The following DLG5 variants were observed in gnomAD, a reference collection of about 807,000 sequenced individuals.
DLG5 encodes the protein discs large MAGUK scaffold protein 5, also known as disks large homolog 5.
Under a neutral mutation model 189.8 loss-of-function variants are expected in DLG5, and 48 were observed. The ratio of observed to expected loss-of-function variants is 0.25; its 90% CI spans 0.20 to 0.32. The LOEUF (loss-of-function observed/expected upper bound fraction) is 0.32. Ranked by LOEUF, DLG5 falls within the 10% of genes least tolerant of loss-of-function variation. DLG5 has a pLI of 1.00. For missense variants in DLG5, 2,160 were observed against 2,544.7 expected (o/e 0.85, Z 3.25); for synonymous variants, 1,016 against 1,054.1 (o/e 0.96, Z 0.70).
intron 27 of DLG5, among the ~76,000 whole-genome samples, chr10:77,799,543 A>T (rs572842366): frequency 6.6e-6 from 1 of 152,198 alleles, no homozygotes; most frequent in Non-Finnish European, 1.5e-5. Context: ...TCGGATTTCC[A>T]ACCTCAAGAA....
the DLG5 span, among the ~76,000 whole-genome samples, chr10:77,934,312 A>G: frequency 2.0e-5 from 3 of 146,826 alleles, no homozygotes; most frequent in African/African-American, 5.0e-5. Flanking sequence ...CAGAGGTTGC[A>G]GTGAGCCAAG....
At chr10:77,857,182 C>A (rs1342705114) in intron 2 of DLG5, among the ~76,000 whole-genome samples, 2 of 152,214 alleles carry the variant, frequency 1.3e-5, no homozygotes, top group East Asian at 3.9e-4. Flanking sequence ...TTTCACACCT[C>A]CAGGATGCGA....
At chr10:77,901,015 T>C (rs1167643124) in intron 1 of DLG5, among the ~76,000 whole-genome samples, 5 of 148,614 alleles carry the variant, frequency 3.4e-5, no homozygotes, top group African/African-American at 1.3e-4. Context: ...CTTGGGAGGC[T>C]GAGGCAGGAG....
rs746044518 is a variant in DLG5 at position 77,853,480 on chromosome 10, C to A, written c.738G>T (p.Met246Ile). Residue 246 changes from methionine to isoleucine, a missense_variant, in exon 5 of 32, where the codon ATG becomes ATT. Physicochemically the swap from Met to Ile is conservative, Grantham distance 10 (BLOSUM62 1). This residue lies in a region of DLG5 where 664 missense variants were observed against 838.5 expected (regional missense o/e 0.79). Coordinates refer to ENST00000372391, the MANE Select transcript of DLG5 (RefSeq NM_004747.4). The stretch of plus-strand genomic sequence containing the variant: ...GCAGCTGCCCATTCTCCCGCCTCAG[C>A]ATGTCCACGTCATCCTTCAGCCGAG... ...DQTRLKDDVD[M>I]LRRENGQLLR... 6.2e-7 allele frequency: 1 copy of A among 1,611,964 alleles called. No homozygotes were observed. Among genetic ancestry groups the A allele is most frequent in the South Asian group, 1.1e-5 (1 of 90,686 alleles).
At chr10:77,818,468 C>A (rs1270911) in intron 17 of DLG5, among the ~76,000 whole-genome samples, 1 of 152,218 alleles carries the variant, frequency 6.6e-6, no homozygotes, top group Admixed American at 6.5e-5. Context: ...TCTTCATCAC[C>A]GCTGCAGGTC....
intron 1 of DLG5, 130 bp from the exon 2 acceptor site, chr10:77,869,327 G>C (rs1248656): frequency 3.6e-6 from 3 of 832,794 alleles, no homozygotes. Context: ...CCACATCCAC[G>C]GGCCAAGCAG....
At chr10:77,800,487 G>A (rs1471898641) in intron 27 of DLG5, among the ~76,000 whole-genome samples, 1 of 151,598 alleles carries the variant, frequency 6.6e-6, no homozygotes, top group African/African-American at 2.4e-5. Flanking sequence ...GAGAACCCAG[G>A]CACGGGGCCG....
At chr10:77,860,939 T>A (rs1019561516) in intron 2 of DLG5, among the ~76,000 whole-genome samples, 2 of 152,238 alleles carry the variant, frequency 1.3e-5, no homozygotes, top group African/African-American at 4.8e-5. Context: ...ACTTATTTTT[T>A]AAAAAATCAA....
chr10:77,927,770 T>C (rs1329343859), upstream of DLG5: 1 of 152,228 alleles, frequency 6.6e-6, no homozygotes, highest in Non-Finnish European at 1.5e-5. Flanking sequence ...CCCAAGAATG[T>C]CTTCTCTTCC....
At chr10:77,804,817 C>T (rs988158317) in intron 27 of DLG5, among the ~76,000 whole-genome samples, 10 of 152,180 alleles carry the variant, frequency 6.6e-5, no homozygotes, top group African/African-American at 2.4e-4. Flanking sequence ...CTCTTGGTCA[C>T]TACCAAGCAG....
rs1308206474 is a variant in DLG5, at chr10:77,835,746, G to A, written c.1614C>T (p.Asp538=). ...TTGAGGTCACCCCATACCGGATGCT[G>A]TCACGCTCTGCTACAATCTTGTCTC... The part of the protein sequence containing the change: ...QERDKIVAER[D]SIRTLCDNLR... Residue 538 remains aspartate (D), a synonymous_variant, in exon 8 of 32, where the codon GAC becomes GAT. Coordinates refer to ENST00000372391, the MANE Select transcript of DLG5 (RefSeq NM_004747.4). The A allele has an allele frequency of 1.9e-6, 3 of 1,611,190 alleles. No homozygotes were observed. The highest frequency in any genetic ancestry group is 2.7e-5 in the African/African-American group (2 of 75,036).
chr10:77,850,510 G>T (rs553253331), intron 5 of DLG5, among the ~76,000 whole-genome samples: 11 of 152,302 alleles, frequency 7.2e-5, no homozygotes, highest in Non-Finnish European at 1.3e-4. Flanking sequence ...TCAAGTTTCT[G>T]TGTGGACGTA....
intron 1 of DLG5, among the ~76,000 whole-genome samples, chr10:77,900,890 G>A (rs181473654): frequency 1.3e-5 from 2 of 152,208 alleles, no homozygotes; most frequent in African/African-American, 4.8e-5. Context: ...AGCCAAGATC[G>A]TGCTACTGTA....
chr10:77,798,727 T>G (rs1403078823), intron 27 of DLG5, among the ~76,000 whole-genome samples: 3 of 152,316 alleles, frequency 2.0e-5, no homozygotes, highest in African/African-American at 7.2e-5. Flanking sequence ...CTGGATCGAC[T>G]TATCCACTTC....
rs1840858166 is a variant in DLG5, at chr10:77,795,376, G to A, written c.5437-418C>T. On this transcript the variant is annotated intron_variant, in intron 29 of 31. Transcript: ENST00000372391. Reference sequence around the variant, plus strand: ...TCATGTCTGTCGTCCCAGGCATCCAGGTGGAGTGCAGGCCCGTGCACTCCC... The same window carrying A: ...TCATGTCTGTCGTCCCAGGCATCCAAGTGGAGTGCAGGCCCGTGCACTCCC... Among the ~76,000 whole-genome samples the A allele has an allele frequency of 1.3e-5, 2 of 152,176 alleles. 1 individual carries two copies. The highest frequency in any genetic ancestry group is 3.9e-4 in the East Asian group (2 of 5,178).
chr10:77,904,344 C>T (rs1048015922), intron 1 of DLG5, among the ~76,000 whole-genome samples: 2 of 151,228 alleles, frequency 1.3e-5, no homozygotes, highest in Admixed American at 6.6e-5. Context: ...TCAGATGAGA[C>T]TTTGGACTGT....
rs755517020 is a variant in DLG5, at chr10:77,817,893, C to G, written c.3672-4G>C. The G allele has an allele frequency of 4.1e-5, 64 of 1,550,420 alleles. No homozygotes were observed. The East Asian group carries it at 1.5e-3, about 36-fold the overall frequency. ...CAGGCGTCCCTGGTGCTGGACACTG[C>G]GTAAAAACAAGAGGTGAGGAGTTCG... On this transcript the variant is annotated splice_polypyrimidine_tract_variant and splice_region_variant and intron_variant, in intron 17 of 31. Transcript: ENST00000372391.
intron 8 of DLG5, among the ~76,000 whole-genome samples, chr10:77,834,425 G>T (rs1283495092): frequency 6.6e-6 from 1 of 152,130 alleles, no homozygotes; most frequent in African/African-American, 2.4e-5. Flanking sequence ...CTGCCTGGCA[G>T]GCCTGTGCTC....
At chr10:77,937,987 G>A in the DLG5 span, among the ~76,000 whole-genome samples, 3 of 150,774 alleles carry the variant, frequency 2.0e-5, no homozygotes, top group East Asian at 5.9e-4. Flanking sequence ...CGAAGTGCTG[G>A]GATTACAGGC....
Sources: allele counts gnomAD v4.1 joint callset (sites outside exome capture counted in the v4.1 genomes callset), GRCh38; gene constraint gnomAD v4.1.1; regional missense constraint gnomAD v4.1.1; transcripts MANE v1.5; gene names NCBI Gene and HGNC (gene_info 2026-07-23, HGNC 2026-07-21).